The following THSD7B variants were observed in gnomAD, a reference collection of about 807,000 sequenced individuals.
THSD7B encodes thrombospondin type-1 domain-containing protein 7B.
Under a neutral mutation model 213.6 loss-of-function variants are expected in THSD7B, and 138 were observed. The observed-to-expected ratio is 0.65, with a 90% CI of 0.56 to 0.74. THSD7B has a LOEUF of 0.74. THSD7B is among the 30% of genes least tolerant of loss of function. The pLI is 0.00. For synonymous variants in THSD7B, 742 were observed against 687.0 expected (o/e 1.08, Z -1.25); for missense variants, 1,931 against 1,991.5 (o/e 0.97, Z 0.58).
At chr2:137,163,906 T>C (rs947445587) in intron 6 of THSD7B, among the ~76,000 whole-genome samples, 3 of 152,176 alleles carry the variant, frequency 2.0e-5, no homozygotes, top group African/African-American at 7.2e-5. Flanking sequence ...TCCTGTCTCT[T>C]TAGTCCAGTG....
chr2:136,779,196 A>G (rs113505036), intron 1 of THSD7B, among the ~76,000 whole-genome samples: 26 of 134,368 alleles, frequency 1.9e-4, no homozygotes, highest in African/African-American at 5.1e-4. Flanking sequence ...CTATATATAT[A>G]TATGTGTGTG....
At chr2:137,401,443 A>G (rs1686358104) in intron 12 of THSD7B, among the ~76,000 whole-genome samples, 1 of 152,164 alleles carries the variant, frequency 6.6e-6, no homozygotes, top group South Asian at 2.1e-4. Context: ...TTATGAATAA[A>G]ATGATTGCTT....
chr2:136,771,529 C>T (rs1317084686), intron 1 of THSD7B, among the ~76,000 whole-genome samples: 1 of 152,152 alleles, frequency 6.6e-6, no homozygotes, highest in Non-Finnish European at 1.5e-5. Context: ...ACAAGACTCA[C>T]ACTTATTTAA....
At chr2:137,609,443 A>G (rs546831852) in intron 17 of THSD7B, among the ~76,000 whole-genome samples, 20 of 152,344 alleles carry the variant, frequency 1.3e-4, no homozygotes, top group African/African-American at 4.8e-4. Flanking sequence ...CAAGTCATGC[A>G]GGTACTGGAG....
chr2:136,804,251 A>G lies in THSD7B; in HGVS notation c.-36+38564A>G, dbSNP rs72850053. On this transcript the variant is annotated intron_variant, in intron 1 of 27. Transcript: ENST00000409968. ...TTACCTTTCTATGTTCAGCTTCCTC[A>G]TGTGCAAAGATCTTCCGTATATAAT... Among the ~76,000 whole-genome samples, 1,192 of 152,242 alleles carry G rather than the reference A, an allele frequency of 7.8e-3. 3 individuals carry two copies. Among genetic ancestry groups the G allele is most frequent in the Non-Finnish European group, 0.014 (960 of 68,006 alleles).
intron 14 of THSD7B, among the ~76,000 whole-genome samples, chr2:137,436,130 A>G (rs528743565): frequency 6.6e-6 from 1 of 152,012 alleles, no homozygotes; most frequent in South Asian, 2.1e-4. Context: ...ATGTATATGT[A>G]TTCCTGATTA....
intron 15 of THSD7B, among the ~76,000 whole-genome samples, chr2:137,469,140 C>T (rs1573643361): frequency 6.6e-6 from 1 of 152,154 alleles, no homozygotes; most frequent in African/African-American, 2.4e-5. Flanking sequence ...GGCTCCTCAC[C>T]CTTGGGATTA....
At chr2:137,337,416 A>G (rs1442662374) in intron 12 of THSD7B, among the ~76,000 whole-genome samples, 1 of 152,100 alleles carries the variant, frequency 6.6e-6, no homozygotes, top group Non-Finnish European at 1.5e-5. Flanking sequence ...GATTGAGGTT[A>G]CACTTTCTTG....
chr2:137,462,158 G>A (rs1288718398), intron 15 of THSD7B, among the ~76,000 whole-genome samples: 2 of 151,988 alleles, frequency 1.3e-5, no homozygotes, highest in Non-Finnish European at 2.9e-5. Flanking sequence ...CCTCATCTCT[G>A]TGTCCTGCTT....
intron 14 of THSD7B, among the ~76,000 whole-genome samples, chr2:137,412,894 T>TTTC (rs1491198769): frequency 8.6e-6 from 1 of 115,990 alleles, no homozygotes; most frequent in Non-Finnish European, 1.6e-5. Context: ...TCTTTCTTTC[T>TTTC]TTTTTTTTTT....
chr2:136,933,024 CT>C (rs1684656698), intron 2 of THSD7B, among the ~76,000 whole-genome samples: 1 of 152,124 alleles, frequency 6.6e-6, no homozygotes, highest in African/African-American at 2.4e-5. Flanking sequence ...GGAAGTCCAG[CT>C]TCTGTTACTG....
intron 2 of THSD7B, among the ~76,000 whole-genome samples, chr2:136,970,956 A>G (rs1408468010): frequency 6.6e-6 from 1 of 152,232 alleles, no homozygotes; most frequent in Non-Finnish European, 1.5e-5. Context: ...CAATAAAGCC[A>G]CAATTACATG....
intron 2 of THSD7B, among the ~76,000 whole-genome samples, chr2:136,926,810 G>A (rs1265222100): frequency 6.6e-6 from 1 of 152,072 alleles, no homozygotes; most frequent in East Asian, 1.9e-4. Flanking sequence ...TCTCAGCCAA[G>A]CTGGCTGTAT....
chr2:137,212,137 G>A (rs1422859511), intron 7 of THSD7B, among the ~76,000 whole-genome samples: 1 of 151,968 alleles, frequency 6.6e-6, no homozygotes, highest in African/African-American at 2.4e-5. Flanking sequence ...ATTTTTAAAT[G>A]CTACATTTTA....
chr2:136,880,114 A>C (rs1208412555), intron 1 of THSD7B, among the ~76,000 whole-genome samples: 1 of 152,198 alleles, frequency 6.6e-6, no homozygotes, highest in Non-Finnish European at 1.5e-5. Context: ...CACCAAGCAG[A>C]CCTAATAGAC....
chr2:136,883,269 T>C (rs555343704), intron 2 of THSD7B, among the ~76,000 whole-genome samples: 17 of 151,976 alleles, frequency 1.1e-4, no homozygotes, highest in Admixed American at 4.6e-4. Context: ...GAAATATGTA[T>C]AAAAGTGATG....
chr2:137,212,292 C>A (rs2105034967), intron 7 of THSD7B, among the ~76,000 whole-genome samples: 1 of 152,032 alleles, frequency 6.6e-6, no homozygotes, highest in Non-Finnish European at 1.5e-5. Context: ...TGAGTGAGCT[C>A]TTTCTTAATT....
intron 6 of THSD7B, among the ~76,000 whole-genome samples, chr2:137,165,939 C>T (rs1038942928): frequency 6.6e-6 from 1 of 151,954 alleles, no homozygotes; most frequent in Non-Finnish European, 1.5e-5. Flanking sequence ...TGGTACATTT[C>T]CTTTGTTCAC....
intron 15 of THSD7B, among the ~76,000 whole-genome samples, chr2:137,558,894 A>C (rs566353637): frequency 6.6e-6 from 1 of 152,338 alleles, no homozygotes; most frequent in African/African-American, 2.4e-5. Flanking sequence ...GTGTGCAAAA[A>C]TCACAAGCAT....
Sources: gnomAD v4.1 joint callset for allele counts (sites outside exome capture counted in the v4.1 genomes callset) on GRCh38, gnomAD v4.1.1 for gene constraint, MANE v1.5 for transcripts, NCBI Gene and HGNC (gene_info 2026-07-23, HGNC 2026-07-21) for gene names.